The following CSMD3 variants were observed in gnomAD, a reference collection of about 807,000 sequenced individuals.
CSMD3 encodes the protein CUB and Sushi multiple domains 3.
In CSMD3, 177 loss-of-function variants were observed where a neutral mutation model predicts 435.2. The ratio of observed to expected loss-of-function variants is 0.41; its 90% CI spans 0.36 to 0.46. The LOEUF (loss-of-function observed/expected upper bound fraction) is 0.46. Among genes scored for constraint, CSMD3 ranks in the 20% least tolerant of loss-of-function variants. The probability of loss-of-function intolerance (pLI) is 0.34; values close to 1 mark genes in which losing one functional copy is unlikely to be tolerated. For synonymous variants in CSMD3, 1,656 were observed against 1,520.5 expected (o/e 1.09, Z -2.07); for missense variants, 4,265 against 4,504.6 (o/e 0.95, Z 1.52).
intron 1 of CSMD3, among the ~76,000 whole-genome samples, chr8:113,396,011 A>C (rs1418137366): frequency 3.3e-5 from 5 of 152,184 alleles, no homozygotes; most frequent in African/African-American, 1.2e-4. Context: ...AATTGAAATC[A>C]GTGAGGAGAG....
At chr8:112,508,541 G>A (rs7835439) in intron 28 of CSMD3, among the ~76,000 whole-genome samples, 2 of 151,972 alleles carry the variant, frequency 1.3e-5, no homozygotes, top group South Asian at 2.1e-4. Context: ...GGATATTTCC[G>A]GAGAATAGGT....
intron 10 of CSMD3, among the ~76,000 whole-genome samples, chr8:112,918,024 A>T (rs2082623598): frequency 6.6e-6 from 1 of 151,942 alleles, no homozygotes; most frequent in Admixed American, 6.6e-5. Context: ...AATCTTCCTC[A>T]TCTGAATTTT....
intron 3 of CSMD3, among the ~76,000 whole-genome samples, chr8:113,271,866 C>T (rs2093530572): frequency 6.6e-6 from 1 of 152,146 alleles, no homozygotes; most frequent in Admixed American, 6.5e-5. Context: ...TGGTGCTATA[C>T]CCTGCAAAGC....
intron 3 of CSMD3, among the ~76,000 whole-genome samples, chr8:113,210,428 A>T (rs2092820539): frequency 6.6e-6 from 1 of 151,930 alleles, no homozygotes; most frequent in African/African-American, 2.4e-5. Flanking sequence ...TCTATTTCTC[A>T]TTCCTCAAAC....
chr8:112,906,506 C>T (rs1221181811), intron 10 of CSMD3, among the ~76,000 whole-genome samples: 2 of 151,456 alleles, frequency 1.3e-5, no homozygotes, highest in African/African-American at 4.8e-5. Flanking sequence ...GAGACAACTG[C>T]CCTTTGTATT....
chr8:112,369,262 T>G (rs1203667099), intron 38 of CSMD3, among the ~76,000 whole-genome samples: 1 of 152,080 alleles, frequency 6.6e-6, no homozygotes, highest in Non-Finnish European at 1.5e-5. Context: ...ATAGAAAACT[T>G]TATTTAAAAA....
rs1446371966 is a variant in CSMD3, at chr8:113,172,064, G to T, written c.709+1658C>A. On this transcript the variant is annotated intron_variant, in intron 4 of 70. Transcript: ENST00000297405. ...TTCATGCCATTCTATGAGAATTAGG[G>T]CTTGGGAAACTGGCACAAATCCTGC... Among the ~76,000 whole-genome samples, 3 of 152,124 alleles carry T rather than the reference G, an allele frequency of 2.0e-5. No homozygotes were observed. The East Asian group carries it at 5.8e-4, about 29-fold the overall frequency.
intron 9 of CSMD3, among the ~76,000 whole-genome samples, chr8:112,941,631 T>A (rs1279002213): frequency 6.6e-6 from 1 of 151,830 alleles, no homozygotes; most frequent in Non-Finnish European, 1.5e-5. Context: ...AGGAAAATCA[T>A]GAAACAGTAA....
intron 28 of CSMD3, among the ~76,000 whole-genome samples, chr8:112,511,447 T>C (rs1205684275): frequency 2.1e-5 from 3 of 139,794 alleles, no homozygotes; most frequent in African/African-American, 8.1e-5. Context: ...TGGAGTGCAG[T>C]GGCGAGATCT....
intron 9 of CSMD3, among the ~76,000 whole-genome samples, chr8:112,924,430 A>C (rs968170237): frequency 1.3e-5 from 2 of 152,074 alleles, no homozygotes; most frequent in Non-Finnish European, 2.9e-5. Flanking sequence ...TAACATAATA[A>C]ATTAATGATC....
rs1422649809 is a variant in CSMD3 at position 112,595,159 on chromosome 8, G to C, written c.3716-7924C>G. 1.7e-3 allele frequency among the ~76,000 whole-genome samples: 252 copies of C among 148,938 alleles called. 3 individuals are homozygous for C. The highest frequency in any genetic ancestry group is 5.9e-3 in the African/African-American group (242 of 40,832). On this transcript the variant is annotated intron_variant, in intron 22 of 70. Transcript: ENST00000297405. ...GTATAACTAGAATAACCAATACAGA[G>C]AAGTGCTTAAAGGAGCTGATGGAGC...
intron 12 of CSMD3, among the ~76,000 whole-genome samples, chr8:112,808,240 C>A (rs899368318): frequency 3.3e-5 from 5 of 151,962 alleles, no homozygotes; most frequent in African/African-American, 4.8e-5. Context: ...GAAGTCTTTC[C>A]GTCTTTAAAT....
chr8:112,971,876 T>C (rs1000221425), intron 7 of CSMD3, among the ~76,000 whole-genome samples: 3 of 152,136 alleles, frequency 2.0e-5, no homozygotes, highest in Non-Finnish European at 4.4e-5. Context: ...TAAGATAATT[T>C]AAATTGTTGA....
At position 113,159,753 on chromosome 8, in the gene CSMD3, A is replaced by G. The variant is rs1417607994; in HGVS notation, c.709+13969T>C. 2.0e-5 allele frequency among the ~76,000 whole-genome samples: 3 copies of G among 152,050 alleles called. No individual in the cohort carries two copies. The East Asian group carries it at 5.8e-4, about 29-fold the overall frequency. ...ATAGGATTTAACCTGAATTTAATTAAGAAAAATCAGTGAAATAGACTGAAT... is the reference window on the plus strand; with the variant it reads ...ATAGGATTTAACCTGAATTTAATTAGGAAAAATCAGTGAAATAGACTGAAT... On this transcript the variant is annotated intron_variant, in intron 4 of 70. Coordinates refer to ENST00000297405, the MANE Select transcript of CSMD3 (RefSeq NM_198123.2).
intron 4 of CSMD3, among the ~76,000 whole-genome samples, chr8:113,115,874 T>C (rs1188243830): frequency 6.6e-6 from 1 of 152,098 alleles, no homozygotes; most frequent in Non-Finnish European, 1.5e-5. Context: ...GGTGATTAGG[T>C]CCTGAGGACA....
At chr8:112,706,269 C>T (rs1036584914) in intron 13 of CSMD3, among the ~76,000 whole-genome samples, 1 of 151,870 alleles carries the variant, frequency 6.6e-6, no homozygotes, top group Admixed American at 6.6e-5. Context: ...TGAAATTGTA[C>T]TATGTCCTAA....
chr8:112,879,743 T>C (rs1184818855), intron 10 of CSMD3, among the ~76,000 whole-genome samples: 1 of 152,038 alleles, frequency 6.6e-6, no homozygotes, highest in African/African-American at 2.4e-5. Context: ...TACATTGAAG[T>C]ATCAGGTGCT....
At chr8:112,327,447 C>A (rs1162904369) in intron 45 of CSMD3, among the ~76,000 whole-genome samples, 3 of 152,092 alleles carry the variant, frequency 2.0e-5, no homozygotes, top group African/African-American at 7.2e-5. Flanking sequence ...ACTGGTGGAA[C>A]TGAAATGATT....
rs569272841 is a variant in CSMD3, at chr8:112,897,366, A to G, written c.1633+24261T>C. On this transcript the variant is annotated intron_variant, in intron 10 of 70. Coordinates refer to ENST00000297405, the MANE Select transcript of CSMD3 (RefSeq NM_198123.2). ...ATATATTTGTGGAATAAATTAATTA[A>G]GAACATATAAAGACATTTTATTCAT... is the stretch of plus-strand genomic sequence containing the variant. 2.0e-5 allele frequency among the ~76,000 whole-genome samples: 3 copies of G among 151,510 alleles called. No homozygotes were observed. The East Asian group carries it at 5.9e-4, about 30-fold the overall frequency.
Sources: allele counts gnomAD v4.1 joint callset (sites outside exome capture counted in the v4.1 genomes callset), GRCh38; gene constraint gnomAD v4.1.1; transcripts MANE v1.5; gene names NCBI Gene and HGNC (gene_info 2026-07-23, HGNC 2026-07-21).